The following ANP32B variants were observed in gnomAD, a reference collection of about 807,000 sequenced individuals.
ANP32B encodes acidic nuclear phosphoprotein 32 family member B.
Under a neutral mutation model 32.2 loss-of-function variants are expected in ANP32B, and 6 were observed. That is an observed-to-expected ratio of 0.19 (90% CI 0.10 to 0.37). The LOEUF (loss-of-function observed/expected upper bound fraction) is 0.37. ANP32B is among the 10% of genes least tolerant of loss of function. ANP32B has a pLI of 1.00. For synonymous variants in ANP32B, 98 were observed against 105.8 expected (o/e 0.93, Z 0.45); for missense variants, 204 against 289.2 (o/e 0.71, Z 2.14).
intron 2 of ANP32B, among the ~76,000 whole-genome samples, chr9:97,995,658 C>A (rs553295406): frequency 1.3e-5 from 2 of 152,016 alleles, no homozygotes; most frequent in African/African-American, 2.4e-5. Flanking sequence ...TGGTGGCTCA[C>A]GTCTGTAATC....
intron 1 of ANP32B, among the ~76,000 whole-genome samples, chr9:97,984,160 CT>C (rs1025681806): frequency 6.7e-6 from 1 of 150,020 alleles, no homozygotes; most frequent in Non-Finnish European, 1.5e-5. Context: ...GAGGAGGGGG[CT>C]TTTTTCTTTT....
chr9:97,996,466 A>C (rs1827907344), intron 2 of ANP32B, among the ~76,000 whole-genome samples: 1 of 152,216 alleles, frequency 6.6e-6, no homozygotes. Context: ...AAAAACTTTT[A>C]ACATTTAAAA....
In ANP32B at chr9:97,983,499, TC is replaced by T; in HGVS notation, c.-51del. On this transcript the variant is annotated 5_prime_UTR_variant, in exon 1 of 7. Transcript: ENST00000339399. Reference sequence around the variant, plus strand: ...CTCGCTGCGCAAGCCGGGACGCCTCTCCCCCCTCCGCCCCCGCCGCGGAAAG... The same window carrying T: ...CTCGCTGCGCAAGCCGGGACGCCTCTCCCCCTCCGCCCCCGCCGCGGAAAG... 2 of 1,468,410 alleles carry T rather than the reference TC, an allele frequency of 1.4e-6. No homozygotes were observed. The highest frequency in any genetic ancestry group is 9.2e-7 in the Non-Finnish European group (1 of 1,083,470). 91.0% of individuals were successfully genotyped at this position (1,468,410 alleles called of 1,614,324 possible). A position where few individuals can be genotyped will look rare whatever the true frequency, so the allele number is the denominator to read the frequency against.
At chr9:97,983,661 G>T (rs1827637527) in intron 1 of ANP32B, 52 bp downstream of exon 1, 1 of 1,418,388 alleles carries the variant, frequency 7.1e-7, no homozygotes, top group Admixed American at 2.2e-5. Context: ...TGCATGTAAT[G>T]GTGGCCACCT....
At chr9:98,009,322 A>T (rs1828140955) in intron 4 of ANP32B, among the ~76,000 whole-genome samples, 2 of 152,210 alleles carry the variant, frequency 1.3e-5, no homozygotes, top group South Asian at 4.1e-4. Context: ...TTTTCTTTGC[A>T]TGCTGAGTTT....
intron 1 of ANP32B, among the ~76,000 whole-genome samples, chr9:97,994,099 T>G (rs895758393): frequency 9.2e-5 from 14 of 152,236 alleles, no homozygotes; most frequent in Non-Finnish European, 1.5e-5. Flanking sequence ...TGATTTTTTT[T>G]CCCAGTGTCA....
At chr9:98,007,901 G>A (rs1288179685) in intron 4 of ANP32B, among the ~76,000 whole-genome samples, 1 of 152,192 alleles carries the variant, frequency 6.6e-6, no homozygotes, top group Admixed American at 6.5e-5. Flanking sequence ...GCGTTCTAAA[G>A]GTGGATCACT....
At chr9:97,985,766 G>T (rs899335084) in intron 1 of ANP32B, among the ~76,000 whole-genome samples, 2 of 152,178 alleles carry the variant, frequency 1.3e-5, no homozygotes, top group Non-Finnish European at 2.9e-5. Context: ...TTTCATATAT[G>T]AAGTAATATT....
At chr9:97,986,111 G>GC (rs61085282) in intron 1 of ANP32B, among the ~76,000 whole-genome samples, 6 of 151,930 alleles carry the variant, frequency 3.9e-5, no homozygotes, top group African/African-American at 1.2e-4. Context: ...GTGAGCCACC[G>GC]CCCCCGGCCA....
intron 1 of ANP32B, among the ~76,000 whole-genome samples, chr9:97,983,918 G>A (rs918090973): frequency 1.3e-5 from 2 of 152,032 alleles, no homozygotes; most frequent in Non-Finnish European, 2.9e-5. Flanking sequence ...CGGCGAGAGA[G>A]GGAGGCGGGG....
intron 1 of ANP32B, among the ~76,000 whole-genome samples, chr9:97,993,173 A>AG (rs1827856102): frequency 6.6e-6 from 1 of 152,220 alleles, no homozygotes; most frequent in African/African-American, 2.4e-5. Flanking sequence ...GCTTCTGAAG[A>AG]GGAAGTAGAC....
intron 1 of ANP32B, among the ~76,000 whole-genome samples, chr9:97,991,143 T>C (rs1367386164): frequency 2.0e-5 from 3 of 151,100 alleles, no homozygotes; most frequent in Admixed American, 1.3e-4. Flanking sequence ...TTTTTTTAAC[T>C]GGGTCTCTGT....
chr9:97,986,548 G>C (rs1346275031), intron 1 of ANP32B: 2 of 152,248 alleles, frequency 1.3e-5, no homozygotes, highest in Non-Finnish European at 2.9e-5. Flanking sequence ...TTCTAAAAGA[G>C]AGTTTAAAGT....
In ANP32B at chr9:97,993,471, G is replaced by A. The variant is rs371223879; in HGVS notation, c.55-1160G>A. The stretch of plus-strand genomic sequence containing the variant: ...GTAGGTTCACTAAAAGAATGCCTTT[G>A]TTGGTGCAGTTAAAATGGTAATTTG... On this transcript the variant is annotated intron_variant, in intron 1 of 6. Transcript: ENST00000339399. Among the ~76,000 whole-genome samples, 7 of 152,194 alleles carry A rather than the reference G, an allele frequency of 4.6e-5. No individual in the cohort carries two copies. In the South Asian group the frequency reaches 1.2e-3, roughly 27 times the overall value.
At chr9:98,010,023 AC>A (rs1828153171) in intron 4 of ANP32B, among the ~76,000 whole-genome samples, 1 of 152,188 alleles carries the variant, frequency 6.6e-6, no homozygotes, top group East Asian at 1.9e-4. Flanking sequence ...TTTCCTAAAA[AC>A]CATTTGTGCT....
At position 98,003,262 on chromosome 9, in the gene ANP32B, A is replaced by T. The variant is rs185794492; in HGVS notation, c.328-1702A>T. ...GGGTGCAACGTTTTCCTGTTGCTGT[A>T]ACCCTGCTGTGTGTTCCCTGCATGA... On this transcript the variant is annotated intron_variant, in intron 3 of 6. Coordinates refer to ENST00000339399, the MANE Select transcript of ANP32B (RefSeq NM_006401.3). Among the ~76,000 whole-genome samples the T allele has an allele frequency of 7.1e-4, 108 of 152,338 alleles. 1 individual carries two copies. Among genetic ancestry groups the T allele is most frequent in the African/African-American group, 2.2e-3 (90 of 41,574 alleles).
chr9:98,004,478 G>GT (rs1192966483), intron 3 of ANP32B, among the ~76,000 whole-genome samples: 2 of 152,094 alleles, frequency 1.3e-5, no homozygotes, highest in African/African-American at 4.8e-5. Context: ...ATCCTCTAGT[G>GT]TTTCATGTCT....
intron 1 of ANP32B, among the ~76,000 whole-genome samples, chr9:97,988,990 A>G (rs1465902132): frequency 1.3e-5 from 2 of 152,152 alleles, no homozygotes; most frequent in South Asian, 2.1e-4. Context: ...ATTGGAGAGC[A>G]TCGCCCCACC....
At chr9:97,983,651 T>C (rs1827636935) in intron 1 of ANP32B, 42 bp downstream of exon 1, 56 of 1,484,722 alleles carry the variant, frequency 3.8e-5, no homozygotes, top group Non-Finnish European at 5.0e-5. Flanking sequence ...CCCGATGACT[T>C]GCATGTAATG....
Sources: gnomAD v4.1 joint callset for allele counts (sites outside exome capture counted in the v4.1 genomes callset) on GRCh38, gnomAD v4.1.1 for gene constraint, MANE v1.5 for transcripts, NCBI Gene and HGNC (gene_info 2026-07-23, HGNC 2026-07-21) for gene names.